The following STARD13 variants were observed in gnomAD, a reference collection of about 807,000 sequenced individuals.
STARD13 encodes the protein StAR related lipid transfer domain containing 13.
Under a neutral mutation model 106.4 loss-of-function variants are expected in STARD13, and 62 were observed. The observed-to-expected ratio is 0.58, with a 90% confidence interval of 0.48 to 0.72. The LOEUF (loss-of-function observed/expected upper bound fraction) is 0.72, where lower values mean the gene tolerates loss of function less well. STARD13 is among the 30% of genes least tolerant of loss of function. The pLI, the probability that STARD13 is intolerant of heterozygous loss-of-function variation, is 0.00. For missense variants in STARD13, 1,387 were observed against 1,424.0 expected (o/e 0.97, Z 0.42); for synonymous variants, 565 against 553.0 (o/e 1.02, Z -0.31).
chr13:33,117,698 G>A (rs569518095), intron 8 of STARD13: 1 of 919,758 alleles, frequency 1.1e-6, no homozygotes, highest in Non-Finnish European at 1.3e-6. Context: ...CCAAAGAAAT[G>A]CTTACTTTTT....
chr13:33,600,257 A>G, the STARD13 span, among the ~76,000 whole-genome samples: 2 of 152,254 alleles, frequency 1.3e-5, no homozygotes, highest in Admixed American at 6.5e-5. Flanking sequence ...GTGATCAAAC[A>G]GACCAAAACA....
chr13:33,486,143 G>A, the STARD13 span, among the ~76,000 whole-genome samples: 2 of 152,146 alleles, frequency 1.3e-5, no homozygotes, highest in Admixed American at 1.3e-4. Flanking sequence ...TTGGGATTTG[G>A]ACCCAGAGAC....
chr13:33,265,918 C>T (rs1362852348), intron 1 of STARD13, among the ~76,000 whole-genome samples: 1 of 152,104 alleles, frequency 6.6e-6, no homozygotes, highest in Non-Finnish European at 1.5e-5. Flanking sequence ...TGAAGAGATA[C>T]ATTAGGAATT....
At chr13:33,509,216 C>T in the STARD13 span, among the ~76,000 whole-genome samples, 4 of 151,992 alleles carry the variant, frequency 2.6e-5, no homozygotes, top group Non-Finnish European at 5.9e-5. Context: ...AGGAAAGGAA[C>T]GACCTTCAGC....
chr13:33,181,458 G>A (rs1003815105), intron 1 of STARD13, among the ~76,000 whole-genome samples: 1 of 152,164 alleles, frequency 6.6e-6, no homozygotes, highest in Admixed American at 6.5e-5. Flanking sequence ...TTAGCCTAGA[G>A]TCTTGTAAAT....
chr13:33,359,314 T>C, the STARD13 span, among the ~76,000 whole-genome samples: 3 of 151,688 alleles, frequency 2.0e-5, no homozygotes, highest in African/African-American at 7.3e-5. Context: ...ACGCGCTGCC[T>C]TAAGAGCTGT....
At chr13:33,126,322 C>T (rs1877167483) in intron 6 of STARD13, 82 bp from the exon 7 acceptor site, 2 of 1,419,218 alleles carry the variant, frequency 1.4e-6, no homozygotes, top group African/African-American at 1.4e-5. Context: ...ATGAGGGAAG[C>T]CAGGCTTTTG....
In STARD13 at chr13:33,196,530, G is replaced by A. The variant is rs1042090505; in HGVS notation, c.170-28908C>T. Among the ~76,000 whole-genome samples the A allele has an allele frequency of 1.0e-3, 154 of 152,304 alleles. 1 individual carries two copies. Among genetic ancestry groups the A allele is most frequent in the African/African-American group, 3.4e-3 (142 of 41,566 alleles). On this transcript the variant is annotated intron_variant, in intron 1 of 13. Transcript: ENST00000336934. ...GTTTCTGGGAGGGAGGGTGGCGATT[G>A]TATAGTAGAGAGGATTGACCCCAGC...
At chr13:33,470,255 T>TTATGG in the STARD13 span, among the ~76,000 whole-genome samples, 1 of 152,150 alleles carries the variant, frequency 6.6e-6, no homozygotes, top group Non-Finnish European at 1.5e-5. Flanking sequence ...TGCATAGTAT[T>TTATGG]CCGCGGTGTA....
intron 1 of STARD13, chr13:33,349,262 G>C (rs1337075450): frequency 1.4e-6 from 1 of 702,098 alleles, no homozygotes; most frequent in Non-Finnish European, 2.6e-6. Flanking sequence ...TTGCCTCAGG[G>C]TCACCTCAGG....
chr13:33,312,357 T>C (rs1893169343), intron 1 of STARD13, among the ~76,000 whole-genome samples: 1 of 152,200 alleles, frequency 6.6e-6, no homozygotes, highest in African/African-American at 2.4e-5. Flanking sequence ...AGATAGTCTT[T>C]CAAGTTGAAA....
At chr13:33,455,758 G>A in the STARD13 span, among the ~76,000 whole-genome samples, 2 of 151,840 alleles carry the variant, frequency 1.3e-5, no homozygotes, top group Non-Finnish European at 2.9e-5. Flanking sequence ...GAAAAACTCC[G>A]TCTCTACTAA....
the STARD13 span, among the ~76,000 whole-genome samples, chr13:33,603,419 G>C: frequency 3.3e-5 from 5 of 152,300 alleles, no homozygotes; most frequent in East Asian, 9.6e-4. Flanking sequence ...AACTGAACAA[G>C]CTCCTAACCC....
At chr13:33,377,685 G>A in the STARD13 span, among the ~76,000 whole-genome samples, 1 of 149,106 alleles carries the variant, frequency 6.7e-6, no homozygotes, top group African/African-American at 2.5e-5. Flanking sequence ...TATTTTTAAT[G>A]CTTTTAGGGA....
intron 1 of STARD13, among the ~76,000 whole-genome samples, chr13:33,241,370 T>G (rs898147504): frequency 6.6e-6 from 1 of 152,106 alleles, no homozygotes; most frequent in African/African-American, 2.4e-5. Context: ...AAAACCGTAA[T>G]TGATATTAAT....
chr13:33,671,086 C>T, the STARD13 span, among the ~76,000 whole-genome samples: 1 of 152,196 alleles, frequency 6.6e-6, no homozygotes, highest in East Asian at 1.9e-4. Context: ...ATTTTGCACC[C>T]TATGTATTTT....
chr13:33,129,653 C>G lies in STARD13; in HGVS notation c.1024G>C (p.Gly342Arg), dbSNP rs551073805. 17 of 1,613,980 alleles carry G rather than the reference C, an allele frequency of 1.1e-5. No individual in the cohort carries two copies. In the South Asian group the frequency reaches 1.8e-4, roughly 17 times the overall value. The change falls in exon 5 of 14, where the codon GGG becomes CGG. Residue 342 changes from glycine to arginine, a missense_variant. Gly to Arg is a moderately radical substitution (Grantham distance 125, BLOSUM62 -2). Coordinates refer to ENST00000336934, the MANE Select transcript of STARD13 (RefSeq NM_178006.4). The part of the protein sequence containing the change: ...ESSPSEHSSS[G>R]VSTPCLKERK... ...TCCTTCAGGCAGGGCGTGCTCACCC[C>G]GCTGCTGCTGTGCTCCGACGGGCTG... is the stretch of plus-strand genomic sequence containing the variant.
chr13:33,575,264 A>G, the STARD13 span, among the ~76,000 whole-genome samples: 1 of 152,144 alleles, frequency 6.6e-6, no homozygotes, highest in Non-Finnish European at 1.5e-5. Context: ...ATATGTAAAA[A>G]TGAACCCCAA....
chr13:33,429,403 T>C, the STARD13 span, among the ~76,000 whole-genome samples: 2 of 152,060 alleles, frequency 1.3e-5, no homozygotes, highest in Admixed American at 6.5e-5. Context: ...GAGACCATCC[T>C]GGCTAATACG....
Sources: gnomAD v4.1 joint callset for allele counts (sites outside exome capture counted in the v4.1 genomes callset) on GRCh38, gnomAD v4.1.1 for gene constraint, MANE v1.5 for transcripts, NCBI Gene and HGNC (gene_info 2026-07-23, HGNC 2026-07-21) for gene names.